Variants in RBMS3 observed in about 807,000 individuals in gnomAD.
The protein encoded by RBMS3 is RNA-binding motif, single-stranded-interacting protein 3.
Under a neutral mutation model 66.8 loss-of-function variants are expected in RBMS3, and 27 were observed. That is an observed-to-expected ratio of 0.40 (90% CI 0.30 to 0.56). The LOEUF (loss-of-function observed/expected upper bound fraction) is 0.56, where lower values mean the gene tolerates loss of function less well. Ranked by LOEUF, RBMS3 falls within the 20% of genes least tolerant of loss-of-function variation. The pLI, the probability that RBMS3 is intolerant of heterozygous loss-of-function variation, is 0.40. For synonymous variants in RBMS3, 188 were observed against 183.0 expected (o/e 1.03, Z -0.22); for missense variants, 513 against 549.5 (o/e 0.93, Z 0.66).
chr3:29,293,112 T>A (rs899678935), intron 1 of RBMS3, among the ~76,000 whole-genome samples: 1 of 151,872 alleles, frequency 6.6e-6, no homozygotes, highest in Non-Finnish European at 1.5e-5. Flanking sequence ...AGGGAGAACC[T>A]GTATAAAAGC....
At chr3:29,709,990 C>A (rs1252506395) in intron 4 of RBMS3, among the ~76,000 whole-genome samples, 1 of 152,128 alleles carries the variant, frequency 6.6e-6, no homozygotes, top group Non-Finnish European at 1.5e-5. Context: ...AAACACGTTA[C>A]CATTTTTCAG....
intron 4 of RBMS3, among the ~76,000 whole-genome samples, chr3:29,602,769 AC>A (rs1390592044): frequency 1.3e-5 from 2 of 151,984 alleles, no homozygotes; most frequent in African/African-American, 4.8e-5. Flanking sequence ...ACTTTGCTTA[AC>A]ATCTTATTCC....
intron 1 of RBMS3, among the ~76,000 whole-genome samples, chr3:29,426,524 C>G (rs760201417): frequency 1.9e-4 from 29 of 152,178 alleles, no homozygotes; most frequent in Non-Finnish European, 3.4e-4. Context: ...TTTTCAAAAA[C>G]TAACATTTAG....
At chr3:29,680,724 G>A (rs991884931) in intron 4 of RBMS3, among the ~76,000 whole-genome samples, 6 of 151,960 alleles carry the variant, frequency 3.9e-5, no homozygotes, top group African/African-American at 9.7e-5. Context: ...TTATATGCCC[G>A]TCACTCTTTC....
At chr3:29,474,066 A>G (rs1390419265) in intron 2 of RBMS3, among the ~76,000 whole-genome samples, 1 of 152,232 alleles carries the variant, frequency 6.6e-6, no homozygotes. Flanking sequence ...GTCACCTCTC[A>G]CTAGGATTAC....
chr3:29,473,197 G>A (rs2042808545), intron 2 of RBMS3, among the ~76,000 whole-genome samples: 1 of 152,010 alleles, frequency 6.6e-6, no homozygotes, highest in Non-Finnish European at 1.5e-5. Context: ...TAGATACAGA[G>A]TGTCGATTGG....
chr3:29,350,642 C>A (rs1478115546), intron 1 of RBMS3, among the ~76,000 whole-genome samples: 1 of 152,058 alleles, frequency 6.6e-6, no homozygotes, highest in East Asian at 1.9e-4. Context: ...CTGAAAGTGT[C>A]TGTCTTGAGT....
intron 4 of RBMS3, among the ~76,000 whole-genome samples, chr3:29,651,641 T>A (rs2050147783): frequency 6.6e-6 from 1 of 152,158 alleles, no homozygotes; most frequent in Admixed American, 6.6e-5. Flanking sequence ...GTACTGCCCA[T>A]CCTGAAATAG....
At chr3:29,786,113 A>AAAAAT (rs35219640) in intron 6 of RBMS3, among the ~76,000 whole-genome samples, 1 of 149,634 alleles carries the variant, frequency 6.7e-6, no homozygotes, top group Non-Finnish European at 1.5e-5. Context: ...AAAAAAAAAA[A>AAAAAT]ACTTAGAAAT....
At chr3:29,391,892 G>A (rs1025132226) in intron 1 of RBMS3, among the ~76,000 whole-genome samples, 3 of 152,160 alleles carry the variant, frequency 2.0e-5, no homozygotes, top group African/African-American at 7.2e-5. Context: ...AATTAAATGA[G>A]TTGTATGAGA....
intron 10 of RBMS3, among the ~76,000 whole-genome samples, chr3:29,918,426 A>G (rs1266944943): frequency 6.6e-6 from 1 of 152,138 alleles, no homozygotes; most frequent in African/African-American, 2.4e-5. Context: ...TCCAAATACT[A>G]TCATAATTTA....
intron 4 of RBMS3, among the ~76,000 whole-genome samples, chr3:29,698,033 T>C (rs983060906): frequency 3.3e-5 from 5 of 152,360 alleles, no homozygotes; most frequent in Non-Finnish European, 7.3e-5. Flanking sequence ...ATATTCCACG[T>C]GCACCTGTCT....
Position 29,977,556 on chromosome 3 carries a change from G to C in RBMS3, c.1099-10587G>C, listed in dbSNP as rs141215653. Among the ~76,000 whole-genome samples, 28 of 152,126 alleles carry C rather than the reference G, an allele frequency of 1.8e-4. 1 individual carries two copies. The East Asian group carries it at 5.4e-3, about 29-fold the overall frequency. On this transcript the variant is annotated intron_variant, in intron 12 of 14. Coordinates refer to ENST00000383767, the MANE Select transcript of RBMS3 (RefSeq NM_001003793.3). The stretch of plus-strand genomic sequence containing the variant: ...TTGTTTCTTCACACAACACCGTGGT[G>C]ATGCAGTGTCTAGACTTTTTGGAAC...
intron 4 of RBMS3, among the ~76,000 whole-genome samples, chr3:29,588,079 GCT>G (rs1185969909): frequency 6.6e-6 from 1 of 151,764 alleles, no homozygotes; most frequent in Non-Finnish European, 1.5e-5. Flanking sequence ...GGGTACATAG[GCT>G]CTCTCTGTAC....
intron 3 of RBMS3, among the ~76,000 whole-genome samples, chr3:29,505,637 A>C (rs2044156130): frequency 6.6e-6 from 1 of 151,458 alleles, no homozygotes; most frequent in African/African-American, 2.4e-5. Context: ...GAATTTTTAT[A>C]TCAATCACAT....
chr3:29,523,624 C>T lies in RBMS3; in HGVS notation c.307+35125C>T, dbSNP rs74337011. ...CAGAACCAGTTATGATTCTTGAAGC[C>T]TTAATATTATTGAGGCAAGCAGTCT... On this transcript the variant is annotated intron_variant, in intron 3 of 14. Transcript: ENST00000383767. 4.9e-4 allele frequency among the ~76,000 whole-genome samples: 75 copies of T among 152,226 alleles called. No individual in the cohort carries two copies. In the East Asian group the frequency reaches 6.0e-3, roughly 12 times the overall value.
intron 2 of RBMS3, among the ~76,000 whole-genome samples, chr3:29,468,746 C>T (rs1222381351): frequency 6.6e-6 from 1 of 151,386 alleles, no homozygotes; most frequent in Non-Finnish European, 1.5e-5. Context: ...CTGATGTTTG[C>T]TTGACAGTCT....
intron 1 of RBMS3, among the ~76,000 whole-genome samples, chr3:29,415,324 A>T (rs1273808585): frequency 6.6e-6 from 1 of 152,170 alleles, no homozygotes; most frequent in Non-Finnish European, 1.5e-5. Context: ...AAGAGCATTA[A>T]ATTATTATAA....
Position 29,567,950 on chromosome 3 carries a change from G to T in RBMS3, c.308-19164G>T, listed in dbSNP as rs546440306. ...AAACCTTCAGAAATGGTTCAGTTTT[G>T]TGAAAATGATGGGGGAATGTCTGCC... On this transcript the variant is annotated intron_variant, in intron 3 of 14. Coordinates refer to ENST00000383767, the MANE Select transcript of RBMS3 (RefSeq NM_001003793.3). 5.3e-5 allele frequency among the ~76,000 whole-genome samples: 8 copies of T among 152,230 alleles called. No homozygotes were observed. The South Asian group carries it at 1.7e-3, about 32-fold the overall frequency.
Sources: gnomAD v4.1 joint callset for allele counts (sites outside exome capture counted in the v4.1 genomes callset) on GRCh38, gnomAD v4.1.1 for gene constraint, MANE v1.5 for transcripts, NCBI Gene and HGNC (gene_info 2026-07-23, HGNC 2026-07-21) for gene names.